The following KCNIP1 variants were observed in gnomAD, a reference collection of about 807,000 sequenced individuals.
KCNIP1 encodes the protein potassium voltage-gated channel interacting protein 1, also known as A-type potassium channel modulatory protein KCNIP1.
KCNIP1 carries 18 observed loss-of-function variants against 33.0 expected under a neutral mutation model. The ratio of observed to expected loss-of-function variants is 0.55; its 90% confidence interval spans 0.38 to 0.81. The LOEUF is 0.81. Ranked by LOEUF, KCNIP1 falls within the 30% of genes least tolerant of loss-of-function variation. The pLI is 0.00. For missense variants in KCNIP1, 238 were observed against 271.6 expected (o/e 0.88, Z 0.87); for synonymous variants, 93 against 98.3 (o/e 0.95, Z 0.32).
chr5:170,632,270 A>G (rs540555385), intron 1 of KCNIP1, among the ~76,000 whole-genome samples: 1 of 152,354 alleles, frequency 6.6e-6, no homozygotes, highest in South Asian at 2.1e-4. Flanking sequence ...CCCTGGAATC[A>G]AGCCCTGTCC....
chr5:170,451,545 T>C lies in KCNIP1; in HGVS notation c.88+97581T>C, dbSNP rs562301735. Among the ~76,000 whole-genome samples, 12 of 150,976 alleles carry C rather than the reference T, an allele frequency of 7.9e-5. No homozygotes were observed. The East Asian group carries it at 2.3e-3, about 29-fold the overall frequency. ...GTTCCTGGTCTTTGGCTAAAGGGCA[T>C]TGACACCACCCATTTCCCAGAAACC... On this transcript the variant is annotated intron_variant, in intron 1 of 7. Transcript: ENST00000377360.
At chr5:170,471,691 G>T (rs1374688332) in intron 1 of KCNIP1, among the ~76,000 whole-genome samples, 3 of 152,050 alleles carry the variant, frequency 2.0e-5, no homozygotes, top group African/African-American at 7.2e-5. Context: ...TGCTGCTCAG[G>T]GCTCCTGAGC....
chr5:170,500,012 C>T (rs1757380766), upstream of KCNIP1, among the ~76,000 whole-genome samples: 1 of 152,198 alleles, frequency 6.6e-6, no homozygotes, highest in Admixed American at 6.5e-5. Flanking sequence ...GTCTGGGTGG[C>T]TTATACAACA....
intron 1 of KCNIP1, among the ~76,000 whole-genome samples, chr5:170,443,558 A>G (rs1227556607): frequency 1.3e-5 from 2 of 152,188 alleles, no homozygotes; most frequent in African/African-American, 2.4e-5. Context: ...TTCCTTACAC[A>G]CAAAGGCACA....
At chr5:170,689,109 C>A (rs1313166086) in intron 1 of KCNIP1, among the ~76,000 whole-genome samples, 1 of 152,176 alleles carries the variant, frequency 6.6e-6, no homozygotes, top group Non-Finnish European at 1.5e-5. Context: ...AGCTTTGCTT[C>A]CAGGAGAATT....
At chr5:170,385,063 A>T (rs1339424431) in intron 1 of KCNIP1, among the ~76,000 whole-genome samples, 1 of 152,132 alleles carries the variant, frequency 6.6e-6, no homozygotes, top group Non-Finnish European at 1.5e-5. Context: ...GAAGGGCATC[A>T]TGTGTCTGTT....
rs945205866 is a variant in KCNIP1 at position 170,489,905 on chromosome 5, G to A, written c.88+135941G>A. On this transcript the variant is annotated intron_variant, in intron 1 of 7. Transcript: ENST00000377360. This position sits in a 1 kb window ranked among gnomAD's most constrained non-coding sequence, Gnocchi z 4.3. ...CCCCAAGCCCCACATGCCTGCAGGC[G>A]GCCCTGGGATATCTGCCATGTGCAG... Among the ~76,000 whole-genome samples, 7 of 152,188 alleles carry A rather than the reference G, an allele frequency of 4.6e-5. No homozygotes were observed. The highest frequency in any genetic ancestry group is 1.9e-4 in the East Asian group (1 of 5,188).
chr5:170,535,986 A>C (rs1201136398), intron 1 of KCNIP1, among the ~76,000 whole-genome samples: 6 of 152,212 alleles, frequency 3.9e-5, no homozygotes, highest in African/African-American at 1.4e-4. Context: ...AATGGGATTG[A>C]TAATACCTAC....
At chr5:170,548,536 T>A (rs1401844251) in intron 1 of KCNIP1, among the ~76,000 whole-genome samples, 3 of 152,206 alleles carry the variant, frequency 2.0e-5, no homozygotes, top group Non-Finnish European at 4.4e-5. Context: ...CATTTGAGGT[T>A]TTTCAGACCA....
intron 1 of KCNIP1, among the ~76,000 whole-genome samples, chr5:170,714,188 A>G (rs1324910103): frequency 6.6e-6 from 1 of 152,188 alleles, no homozygotes; most frequent in African/African-American, 2.4e-5. Context: ...GAGTCCTCCC[A>G]CTGCTCACAG....
At chr5:170,651,112 T>C (rs1378740164) in intron 1 of KCNIP1, among the ~76,000 whole-genome samples, 1 of 152,134 alleles carries the variant, frequency 6.6e-6, no homozygotes, top group Non-Finnish European at 1.5e-5. Context: ...TATTCTTGGC[T>C]CTTAGGGGAC....
At chr5:170,683,811 C>T (rs886317733) in intron 1 of KCNIP1, among the ~76,000 whole-genome samples, 5 of 151,670 alleles carry the variant, frequency 3.3e-5, no homozygotes, top group Non-Finnish European at 5.9e-5. Context: ...GCAACCTCTG[C>T]CTCCCGGACT....
At chr5:170,702,386 G>A (rs1374743544) in intron 1 of KCNIP1, among the ~76,000 whole-genome samples, 1 of 152,234 alleles carries the variant, frequency 6.6e-6, no homozygotes, top group Non-Finnish European at 1.5e-5. Context: ...TTAGAGGGCA[G>A]GAGAAAAGCC....
At chr5:170,513,051 G>GCA (rs1754998711) in intron 1 of KCNIP1, among the ~76,000 whole-genome samples, 1 of 136,766 alleles carries the variant, frequency 7.3e-6, no homozygotes, top group Non-Finnish European at 1.6e-5. Flanking sequence ...CTCCATCTTG[G>GCA]AAAAAAAAAA....
intron 1 of KCNIP1, among the ~76,000 whole-genome samples, chr5:170,372,920 G>A (rs1763885447): frequency 6.6e-6 from 1 of 152,178 alleles, no homozygotes; most frequent in South Asian, 2.1e-4. Flanking sequence ...GGTATGGAAT[G>A]ATGGAGATTA....
At chr5:170,570,997 A>G (rs959462715) in intron 1 of KCNIP1, among the ~76,000 whole-genome samples, 1 of 152,226 alleles carries the variant, frequency 6.6e-6, no homozygotes, top group Non-Finnish European at 1.5e-5. Context: ...TCCCAAAGCC[A>G]ATCAAAAAGT....
intron 1 of KCNIP1, among the ~76,000 whole-genome samples, chr5:170,645,892 G>T (rs562440668): frequency 1.3e-5 from 2 of 148,356 alleles, no homozygotes; most frequent in African/African-American, 2.5e-5. Context: ...GAAATCTTGA[G>T]AAATTAAAAA....
At chr5:170,425,835 G>A (rs1755601679) in intron 1 of KCNIP1, among the ~76,000 whole-genome samples, 1 of 152,186 alleles carries the variant, frequency 6.6e-6, no homozygotes, top group South Asian at 2.1e-4. Context: ...CAAGGTCCTG[G>A]AAATATAAGG....
At chr5:170,527,758 C>T (rs1332157777) in intron 1 of KCNIP1, among the ~76,000 whole-genome samples, 1 of 149,692 alleles carries the variant, frequency 6.7e-6, no homozygotes, top group Non-Finnish European at 1.5e-5. Context: ...ACAGGCTCAC[C>T]CCAGCATGCA....
Sources: gnomAD v4.1 joint callset for allele counts (sites outside exome capture counted in the v4.1 genomes callset) on GRCh38, gnomAD v4.1.1 for gene constraint, Gnocchi (gnomAD v3.1) non-coding constraint, MANE v1.5 for transcripts, NCBI Gene and HGNC (gene_info 2026-07-23, HGNC 2026-07-21) for gene names.